The following TMEFF1 variants were observed in gnomAD, a reference collection of about 807,000 sequenced individuals.
The protein encoded by TMEFF1 is transmembrane protein with EGF like and two follistatin like domains 1.
Under a neutral mutation model 47.5 loss-of-function variants are expected in TMEFF1, and 20 were observed. The ratio of observed to expected loss-of-function variants is 0.42; its 90% confidence interval spans 0.30 to 0.61. The LOEUF (loss-of-function observed/expected upper bound fraction) is 0.61. Ranked by LOEUF, TMEFF1 falls within the 20% of genes least tolerant of loss-of-function variation. The pLI is 0.19. For missense variants in TMEFF1, 411 were observed against 471.1 expected (o/e 0.87, Z 1.18); for synonymous variants, 162 against 166.3 (o/e 0.97, Z 0.20).
intron 8 of TMEFF1, among the ~76,000 whole-genome samples, chr9:100,563,218 G>T (rs889238279): frequency 1.3e-5 from 2 of 152,218 alleles, no homozygotes; most frequent in Admixed American, 1.3e-4. Flanking sequence ...CTCCCAAAGT[G>T]CTAGGATTAC....
rs1344107701 is a variant in TMEFF1 at position 100,473,646 on chromosome 9, G to A, written c.102G>A (p.Leu34=). ...TGCTTCTGCTCTTCGCCTTCTCTCT[G>A]CCCGGGAGCCGCGCGTCCAACCAGC... ...TSVLLLFAFS[L]PGSRASNQPP... The change falls in exon 1 of 10, where the codon CTG becomes CTA. Residue 34 remains leucine (L), a synonymous_variant. Coordinates refer to ENST00000374879, the MANE Select transcript of TMEFF1 (RefSeq NM_003692.5). This position sits in a 1 kb window ranked among gnomAD's most constrained non-coding sequence, Gnocchi z 5.4. The A allele has an allele frequency of 1.3e-6, 2 of 1,550,938 alleles. No individual in the cohort carries two copies. Among genetic ancestry groups the A allele is most frequent in the African/African-American group, 2.7e-5 (2 of 72,854 alleles).
At chr9:100,540,752 G>A (rs1377374591) in intron 5 of TMEFF1, among the ~76,000 whole-genome samples, 1 of 152,192 alleles carries the variant, frequency 6.6e-6, no homozygotes, top group South Asian at 2.1e-4. Context: ...CCTTGTTTTT[G>A]ACTTTTGCCA....
chr9:100,538,664 A>G (rs1049017971), intron 5 of TMEFF1, among the ~76,000 whole-genome samples: 2 of 152,220 alleles, frequency 1.3e-5, no homozygotes, highest in Admixed American at 6.5e-5. Context: ...AAATGGAATC[A>G]TGCTATATGC....
intron 5 of TMEFF1, chr9:100,518,418 A>G (rs544361015): frequency 1.0e-6 from 1 of 985,262 alleles, no homozygotes; most frequent in African/African-American, 1.7e-5. Context: ...CTATTGTTGC[A>G]GATACCAGCT....
At chr9:100,550,032 G>T in intron 6 of TMEFF1, 63 bp from the exon 7 acceptor site, 2 of 1,547,790 alleles carry the variant, frequency 1.3e-6, no homozygotes. Context: ...GAATTATTGG[G>T]AGTATCATGA....
chr9:100,509,896 C>CT (rs1015960260), intron 3 of TMEFF1, among the ~76,000 whole-genome samples: 1 of 151,840 alleles, frequency 6.6e-6, no homozygotes, highest in Non-Finnish European at 1.5e-5. Context: ...TTTACTTCAT[C>CT]TTTTTTTTCC....
At chr9:100,483,629 A>G (rs1837385025) in intron 1 of TMEFF1, among the ~76,000 whole-genome samples, 1 of 152,196 alleles carries the variant, frequency 6.6e-6, no homozygotes, top group Non-Finnish European at 1.5e-5. Context: ...TGTTATATTA[A>G]CTATTATTTT....
chr9:100,554,716 G>A (rs556009090), intron 7 of TMEFF1, among the ~76,000 whole-genome samples: 12 of 151,866 alleles, frequency 7.9e-5, no homozygotes, highest in Middle Eastern at 3.4e-3. Flanking sequence ...CCAAGCAGAT[G>A]GTGGTTAGGG....
intron 5 of TMEFF1, among the ~76,000 whole-genome samples, chr9:100,528,381 C>T (rs1039134508): frequency 1.4e-5 from 2 of 146,316 alleles, no homozygotes; most frequent in African/African-American, 5.2e-5. Flanking sequence ...ATAACCAATA[C>T]AGAGAAGTGC....
rs116151485 is a variant in TMEFF1 at position 100,547,545 on chromosome 9, T to C, written c.561-199T>C. Reference sequence around the variant, plus strand: ...TCCAGAGAAACCACTGGATTCATAATATCTTGATGAAATTATCTCTAAATC... The same window carrying C: ...TCCAGAGAAACCACTGGATTCATAACATCTTGATGAAATTATCTCTAAATC... On this transcript the variant is annotated intron_variant, in intron 5 of 9. Transcript: ENST00000374879. 5.6e-3 allele frequency among the ~76,000 whole-genome samples: 846 copies of C among 152,342 alleles called. 7 individuals carry two copies. The highest frequency in any genetic ancestry group is 0.019 in the African/African-American group (798 of 41,574).
Position 100,473,937 on chromosome 9 carries a change from G to A in TMEFF1, c.196+197G>A, listed in dbSNP as rs1203760832. 6.6e-6 allele frequency among the ~76,000 whole-genome samples: 1 copy of A among 151,928 alleles called. No homozygotes were observed. Among genetic ancestry groups the A allele is most frequent in the Non-Finnish European group, 1.5e-5 (1 of 67,976 alleles). ...ACCGGCGCTGGGGATGGGAGTGGCCGTGGGTGCGTCCGAGTGTGTCGAGTG... is the reference window on the plus strand; with the variant it reads ...ACCGGCGCTGGGGATGGGAGTGGCCATGGGTGCGTCCGAGTGTGTCGAGTG... On this transcript the variant is annotated intron_variant, in intron 1 of 9. Coordinates refer to ENST00000374879, the MANE Select transcript of TMEFF1 (RefSeq NM_003692.5). This position sits in a 1 kb window ranked among gnomAD's most constrained non-coding sequence, Gnocchi z 5.4.
At chr9:100,541,375 CTTTT>C (rs1220537806) in intron 5 of TMEFF1, among the ~76,000 whole-genome samples, 2 of 97,684 alleles carry the variant, frequency 2.0e-5, no homozygotes, top group Non-Finnish European at 4.3e-5. Context: ...TTCTTTCTTT[CTTTT>C]TTTTTTTTTT....
chr9:100,574,304 G>A (rs1564031015), intron 9 of TMEFF1, among the ~76,000 whole-genome samples: 1 of 152,208 alleles, frequency 6.6e-6, no homozygotes, highest in East Asian at 1.9e-4. Context: ...CATTATTAGA[G>A]TTAAATAGGA....
At chr9:100,560,366 G>A (rs535307682) in intron 7 of TMEFF1, among the ~76,000 whole-genome samples, 9 of 152,210 alleles carry the variant, frequency 5.9e-5, no homozygotes, top group African/African-American at 2.2e-4. Context: ...CACAGAGTCT[G>A]TTAGCTAGAA....
intron 8 of TMEFF1, among the ~76,000 whole-genome samples, chr9:100,565,435 C>G (rs1213360214): frequency 6.6e-6 from 1 of 152,204 alleles, no homozygotes; most frequent in Non-Finnish European, 1.5e-5. Context: ...CACTGCATAC[C>G]TATACATGCA....
At chr9:100,510,896 T>G (rs563240600) in intron 3 of TMEFF1, among the ~76,000 whole-genome samples, 5 of 152,192 alleles carry the variant, frequency 3.3e-5, no homozygotes, top group Admixed American at 6.5e-5. Context: ...CTCTTCATGA[T>G]TGGTCTTTCT....
chr9:100,500,371 T>G (rs1837735969), intron 2 of TMEFF1, among the ~76,000 whole-genome samples: 1 of 152,190 alleles, frequency 6.6e-6, no homozygotes, highest in Non-Finnish European at 1.5e-5. Context: ...TCTTATAATC[T>G]GGGACTTCCA....
intron 1 of TMEFF1, among the ~76,000 whole-genome samples, chr9:100,486,321 C>T (rs1837447750): frequency 6.6e-6 from 1 of 152,210 alleles, no homozygotes; most frequent in East Asian, 1.9e-4. Flanking sequence ...CGGCTTACTG[C>T]AACCTCTGCA....
At chr9:100,486,448 G>A (rs537328916) in intron 1 of TMEFF1, among the ~76,000 whole-genome samples, 111 of 152,116 alleles carry the variant, frequency 7.3e-4, no homozygotes, top group Middle Eastern at 3.4e-3. Context: ...CACCATATTG[G>A]CCAGGCTGGT....
Sources: allele counts gnomAD v4.1 joint callset (sites outside exome capture counted in the v4.1 genomes callset), GRCh38; gene constraint gnomAD v4.1.1; non-coding constraint Gnocchi (gnomAD v3.1); transcripts MANE v1.5; gene names NCBI Gene and HGNC (gene_info 2026-07-23, HGNC 2026-07-21).